The following ZNF35 variants were observed in gnomAD, a reference collection of about 807,000 sequenced individuals.
ZNF35 encodes the protein zinc finger protein 35, also known as zinc finger protein 35 (clone HF.10).
In ZNF35, 31 loss-of-function variants were observed where a neutral mutation model predicts 45.9. That is an observed-to-expected ratio of 0.68 (90% CI 0.51 to 0.91). The LOEUF is 0.91. Among genes scored for constraint, ZNF35 ranks in the 40% least tolerant of loss-of-function variants. The pLI, the probability that ZNF35 is intolerant of heterozygous loss-of-function variation, is 0.00. For missense variants in ZNF35, 515 were observed against 625.4 expected (o/e 0.82, Z 1.88); for synonymous variants, 205 against 220.2 (o/e 0.93, Z 0.61).
chr3:44,649,901 G>C (rs1392760671), intron 1 of ZNF35, among the ~76,000 whole-genome samples: 1 of 152,148 alleles, frequency 6.6e-6, no homozygotes, highest in Non-Finnish European at 1.5e-5. Context: ...AGACTATTGT[G>C]AAATACGGAA....
At chr3:44,649,578 C>CTT (rs1703139477) in intron 1 of ZNF35, among the ~76,000 whole-genome samples, 1 of 152,122 alleles carries the variant, frequency 6.6e-6, no homozygotes, top group Non-Finnish European at 1.5e-5. Flanking sequence ...GCTGGCTTAG[C>CTT]TGTGATAAAG....
chr3:44,647,703 C>T (rs1703039557), upstream of ZNF35: 1 of 152,030 alleles, frequency 6.6e-6, no homozygotes, highest in Admixed American at 6.6e-5. Context: ...CACAAAAGGC[C>T]ATATTCTGTA....
At position 44,651,089 on chromosome 3, in the gene ZNF35, G is replaced by GC. The variant is rs771743612; in HGVS notation, c.24dup (p.Met9HisfsTer49). 10 of 1,614,010 alleles carry GC rather than the reference G, an allele frequency of 6.2e-6. No homozygotes were observed. The highest frequency in any genetic ancestry group is 1.7e-4 in the Middle Eastern group (1 of 5,948). On this transcript the variant is annotated frameshift_variant, in exon 2 of 4. Transcript: ENST00000396056. LOFTEE classifies it high-confidence loss of function. ...GAAGATGACTGCAGAATTGAGAGAA[G>GC]CCATGGCCCTAGCCCCATGGGGCCC...
At position 44,659,287 on chromosome 3, in the gene ZNF35, C is replaced by T. The variant is rs1304773803; in HGVS notation, c.924C>T (p.Cys308=). 1.9e-6 allele frequency: 3 copies of T among 1,613,818 alleles called. No homozygotes were observed. The highest frequency in any genetic ancestry group is 2.5e-6 in the Non-Finnish European group (3 of 1,179,974). ...KIHSLEKTFK[C]NECEKAFSYS... is the part of the protein sequence containing the mutation. ...ACTCCTTAGAAAAAACTTTTAAGTG[C>T]AATGAATGTGAGAAAGCCTTTAGTT... is the stretch of plus-strand genomic sequence containing the variant. The change falls in exon 4 of 4, where the codon TGC becomes TGT. Residue 308 remains cysteine, a synonymous_variant. Transcript: ENST00000396056. The surrounding 1 kb of genome is among the most constrained non-coding windows in gnomAD (Gnocchi z 4.3).
At position 44,659,043 on chromosome 3, in the gene ZNF35, G is replaced by T; in HGVS notation, c.680G>T (p.Cys227Phe). The change falls in exon 4 of 4, where the codon TGT becomes TTT. Residue 227 changes from cysteine to phenylalanine, a missense_variant. Around this residue, in one of 3 missense-constraint regions of ZNF35, gnomAD observed 275 missense variants for 295.7 expected, o/e 0.93. Coordinates refer to ENST00000396056, the MANE Select transcript of ZNF35 (RefSeq NM_003420.4). The surrounding 1 kb of genome is among the most constrained non-coding windows in gnomAD (Gnocchi z 4.3). ...CAAAAGCCTTTTACGTGTAGCGTGT[G>T]TGGGAAAGGATTTAGTCAGAGTGCA... ...LGQKPFTCSVCGKGFSQSANL... is the reference protein window; with the variant it reads ...LGQKPFTCSVFGKGFSQSANL... 1 of 1,614,252 alleles carries T rather than the reference G, an allele frequency of 6.2e-7. No homozygotes were observed. Among genetic ancestry groups the T allele is most frequent in the Non-Finnish European group, 8.5e-7 (1 of 1,180,048 alleles).
intron 2 of ZNF35, among the ~76,000 whole-genome samples, chr3:44,651,472 C>T (rs1424168329): frequency 1.3e-5 from 2 of 152,146 alleles, no homozygotes; most frequent in African/African-American, 4.8e-5. Context: ...AATTTTGCTA[C>T]ACAGAACCTG....
intron 1 of ZNF35, among the ~76,000 whole-genome samples, chr3:44,649,132 A>G (rs1703120732): frequency 6.6e-6 from 1 of 152,234 alleles, no homozygotes; most frequent in Non-Finnish European, 1.5e-5. Context: ...AAATAGAGAA[A>G]GGACGTTGAA....
chr3:44,656,174 T>C (rs1703297246), intron 3 of ZNF35, among the ~76,000 whole-genome samples: 2 of 151,886 alleles, frequency 1.3e-5, no homozygotes, highest in Non-Finnish European at 2.9e-5. Flanking sequence ...AAACTGTATA[T>C]GGAAAAATTC....
Position 44,658,786 on chromosome 3 carries a change from A to T in ZNF35, c.423A>T (p.Arg141Ser). 1.2e-6 allele frequency: 2 copies of T among 1,609,064 alleles called. No homozygotes were observed. Among genetic ancestry groups the T allele is most frequent in the Non-Finnish European group, 1.7e-6 (2 of 1,178,896 alleles). ...EAEKPLIISE[R>S]IQKADPQGPE... ...AAAAACCCCTCATCATATCAGAAAG[A>T]ATCCAGAAAGCTGATCCTCAAGGAC... is the stretch of plus-strand genomic sequence containing the variant. The change falls in exon 4 of 4, where the codon AGA (arginine) becomes AGT (serine). Residue 141 changes from arginine (R) to serine (S), a missense_variant. Transcript: ENST00000396056.
chr3:44,647,700 G>A (rs374185026), upstream of ZNF35: 1 of 152,120 alleles, frequency 6.6e-6, no homozygotes, highest in Non-Finnish European at 1.5e-5. Flanking sequence ...AATCACAAAA[G>A]GCCATATTCT....
rs757240649 is a variant in ZNF35, at chr3:44,651,140, G to A, written c.73G>A (p.Glu25Lys). 2.1e-5 allele frequency: 34 copies of A among 1,613,778 alleles called. No homozygotes were observed. Among genetic ancestry groups the A allele is most frequent in the East Asian group, 4.5e-5 (2 of 44,880 alleles). Residue 25 changes from glutamate (E) to lysine (K), a missense_variant, in exon 2 of 4, where the codon GAA becomes AAA. Glu to Lys is a moderately conservative substitution (Grantham distance 56). Around this residue, in one of 3 missense-constraint regions of ZNF35, gnomAD observed 275 missense variants for 295.7 expected, o/e 0.93. Coordinates refer to ENST00000396056, the MANE Select transcript of ZNF35 (RefSeq NM_003420.4). ...GPVKVKKEEE[E>K]EENFPGQASS... ...AGTGAAGGTGAAAAAGGAGGAGGAA[G>A]AAGAAGAAAACTTCCCAGGTCAGGC...
chr3:44,653,770 G>A (rs1038949203), intron 3 of ZNF35, among the ~76,000 whole-genome samples: 1 of 152,212 alleles, frequency 6.6e-6, no homozygotes, highest in Non-Finnish European at 1.5e-5. Flanking sequence ...AAGCTTGCCT[G>A]TGGAGGAGTG....
intron 1 of ZNF35, among the ~76,000 whole-genome samples, chr3:44,650,005 A>G (rs1488474139): frequency 6.6e-6 from 1 of 152,200 alleles, no homozygotes; most frequent in African/African-American, 2.4e-5. Context: ...TGTGAAGGTG[A>G]ACATATAAGT....
In ZNF35 at chr3:44,651,167, T is replaced by G. The variant is rs200692779; in HGVS notation, c.100T>G (p.Ser34Ala). ...AGAAGAAAACTTCCCAGGTCAGGCA[T>G]CCAGCCAACAAGTGCACTCCGAGAA... The part of the protein sequence containing the change: ...EEEENFPGQA[S>A]SQQVHSENIK... The change falls in exon 2 of 4, where the codon TCC becomes GCC. Residue 34 changes from serine to alanine, a missense_variant. Ser to Ala is a moderately conservative substitution (Grantham distance 99, BLOSUM62 1). Transcript: ENST00000396056. 9.3e-6 allele frequency: 15 copies of G among 1,614,054 alleles called. No individual in the cohort carries two copies. In the East Asian group the frequency reaches 3.3e-4, roughly 36 times the overall value.
At chr3:44,646,594 C>A, upstream of ZNF35, 1 of 879,356 alleles carries the variant, frequency 1.1e-6, no homozygotes, top group South Asian at 1.4e-5. Flanking sequence ...CTGGATTCTT[C>A]AAAATATTAT....
chr3:44,652,636 A>T lies in ZNF35; in HGVS notation c.272A>T (p.Tyr91Phe). The T allele has an allele frequency of 6.2e-7, 1 of 1,610,718 alleles. No individual in the cohort carries two copies. The highest frequency in any genetic ancestry group is 8.5e-7 in the Non-Finnish European group (1 of 1,178,678). The change falls in exon 3 of 4, where the codon TAC (tyrosine) becomes TTC (phenylalanine). Residue 91 changes from tyrosine (Y) to phenylalanine (F), a missense_variant. Transcript: ENST00000396056. ...CCTGCTGCTTCAACCCTTGGCAGCT[A>T]CTCATTACCAGGGACTCTGGCCAAG... Reference protein sequence around the residue: ...EAPAASTLGSYSLPGTLAKSE... With the variant: ...EAPAASTLGSFSLPGTLAKSE...
intron 2 of ZNF35, among the ~76,000 whole-genome samples, chr3:44,651,671 G>A (rs1174766498): frequency 6.6e-6 from 1 of 151,842 alleles, no homozygotes; most frequent in Non-Finnish European, 1.5e-5. Context: ...TTGCAATGCC[G>A]AAATACAAAA....
At chr3:44,657,971 G>GTATCC (rs1703338474) in intron 3 of ZNF35, among the ~76,000 whole-genome samples, 1 of 152,160 alleles carries the variant, frequency 6.6e-6, no homozygotes, top group Non-Finnish European at 1.5e-5. Context: ...GATACTATTA[G>GTATCC]TATCCCTGTT....
In ZNF35 at chr3:44,660,299, G is replaced by A. The variant is rs1267216728; in HGVS notation, c.*352G>A. 1 of 171,008 alleles carries A rather than the reference G, an allele frequency of 5.8e-6. No individual in the cohort carries two copies. The highest frequency in any genetic ancestry group is 1.3e-5 in the Non-Finnish European group (1 of 79,980). The allele number at this position is 171,008 out of a possible 1,614,324, so 10.6% of individuals were successfully genotyped here. On this transcript the variant is annotated 3_prime_UTR_variant, in exon 4 of 4. Coordinates refer to ENST00000396056, the MANE Select transcript of ZNF35 (RefSeq NM_003420.4). ...TTTGTTTTTTAAAACTCTGATGATT[G>A]CTTGAGCAACAGGCAGGTTATCTGC...
Sources: allele counts gnomAD v4.1 joint callset (sites outside exome capture counted in the v4.1 genomes callset), GRCh38; gene constraint gnomAD v4.1.1; regional missense constraint gnomAD v4.1.1; non-coding constraint Gnocchi (gnomAD v3.1); transcripts MANE v1.5; gene names NCBI Gene and HGNC (gene_info 2026-07-23, HGNC 2026-07-21).